CHI3L1: variants seen among roughly 807,000 people sequenced by gnomAD.
The protein encoded by CHI3L1 is chitinase-3-like protein 1.
CHI3L1 carries 30 observed loss-of-function variants against 40.7 expected under a neutral mutation model. The ratio of observed to expected loss-of-function variants is 0.74; its 90% CI spans 0.55 to 1.00. CHI3L1 has a LOEUF of 1.00. Ranked by LOEUF, CHI3L1 falls within the 50% of genes least tolerant of loss-of-function variation. The pLI, the probability that CHI3L1 is intolerant of heterozygous loss-of-function variation, is 0.00. For synonymous variants in CHI3L1, 210 were observed against 192.1 expected (o/e 1.09, Z -0.77); for missense variants, 493 against 492.2 (o/e 1.00, Z -0.01).
In CHI3L1 at chr1:203,182,349, A is replaced by G. The variant is rs74519412; in HGVS notation, c.587+382T>C. Among the ~76,000 whole-genome samples the G allele has an allele frequency of 1.6e-3, 246 of 152,292 alleles. 9 individuals carry two copies. The East Asian group carries it at 0.045, about 28-fold the overall frequency. ...TTGAGGACTCCCCAGCACTCTAGAAAGAGGCTGCTGTGTGGCCTCTCCAGG... is the reference window on the plus strand; with the variant it reads ...TTGAGGACTCCCCAGCACTCTAGAAGGAGGCTGCTGTGTGGCCTCTCCAGG... On this transcript the variant is annotated intron_variant, in intron 6 of 9. Coordinates refer to ENST00000255409, the MANE Select transcript of CHI3L1 (RefSeq NM_001276.4).
In CHI3L1 at chr1:203,184,573, T is replaced by C. The variant is rs1486177035; in HGVS notation, c.314+3A>G. The C allele has an allele frequency of 3.1e-6, 5 of 1,613,556 alleles. No individual in the cohort carries two copies. Among genetic ancestry groups the C allele is most frequent in the South Asian group, 1.1e-5 (1 of 91,072 alleles). On this transcript the variant is annotated splice_donor_region_variant and intron_variant, in intron 4 of 9. Coordinates refer to ENST00000255409, the MANE Select transcript of CHI3L1 (RefSeq NM_001276.4). ...CGTCCTGCCCCTGGGGAGAGGCTCC[T>C]ACCTTTGAGACCCAAAGTTCCATCC...
At chr1:203,180,427 C>A in intron 8 of CHI3L1, 43 bp downstream of exon 8, 1 of 1,482,548 alleles carries the variant, frequency 6.7e-7, no homozygotes, top group Non-Finnish European at 9.0e-7. Flanking sequence ...CCCAGGGCTG[C>A]TGGTGGTGTG....
In CHI3L1 at chr1:203,186,655, CCTCT is replaced by C; in HGVS notation, c.-36_-33del. 1 of 1,613,920 alleles carries C rather than the reference CCTCT, an allele frequency of 6.2e-7. No homozygotes were observed. The highest frequency in any genetic ancestry group is 8.5e-7 in the Non-Finnish European group (1 of 1,179,912). On this transcript the variant is annotated 5_prime_UTR_variant, in exon 1 of 10. Transcript: ENST00000255409. Reference sequence around the variant, plus strand: ...TGCAGCAGAGCAGGGCAGGGTGTGGCCTCTTCCCTTGCCCACGGCTCCTGGTGCC... The same window carrying C: ...TGCAGCAGAGCAGGGCAGGGTGTGGCTCCCTTGCCCACGGCTCCTGGTGCC...
rs745563186 is a variant in CHI3L1, at chr1:203,183,675, C to T, written c.431G>A (p.Arg144Gln). The T allele has an allele frequency of 5.1e-5, 83 of 1,614,180 alleles. No individual in the cohort carries two copies. Among genetic ancestry groups the T allele is most frequent in the South Asian group, 2.2e-4 (20 of 91,082 alleles). Residue 144 changes from arginine (R) to glutamine (Q), a missense_variant, in exon 5 of 10, where the codon CGG becomes CAG. By Grantham distance (43) the Arg-to-Gln change is conservative. Transcript: ENST00000255409. Reference protein sequence around the residue: ...GLDLAWLYPGRRDKQHFTTLI... With the variant: ...GLDLAWLYPGQRDKQHFTTLI... ...GGTGGTAAAATGCTGTTTGTCTCTCCGTCCAGGGTAGAGCCAGGCAAGGTC... is the reference window on the plus strand; with the variant it reads ...GGTGGTAAAATGCTGTTTGTCTCTCTGTCCAGGGTAGAGCCAGGCAAGGTC...
At chr1:203,180,300 T>G in intron 8 of CHI3L1, 170 bp downstream of exon 8, 1 of 640,540 alleles carries the variant, frequency 1.6e-6, no homozygotes. Flanking sequence ...TGCTGGAGAT[T>G]TTCAGCAACA....
Position 203,183,681 on chromosome 1 carries a change from G to C in CHI3L1, c.425C>G (p.Pro142Arg). 1 of 1,614,214 alleles carries C rather than the reference G, an allele frequency of 6.2e-7. No individual in the cohort carries two copies. Among genetic ancestry groups the C allele is most frequent in the African/African-American group, 1.3e-5 (1 of 75,050 alleles). ...FDGLDLAWLY[P>R]GRRDKQHFTT... ...AAAATGCTGTTTGTCTCTCCGTCCA[G>C]GGTAGAGCCAGGCAAGGTCCAGCCC... The change falls in exon 5 of 10, where the codon CCT becomes CGT. Residue 142 changes from proline to arginine, a missense_variant. Pro to Arg is a moderately radical substitution (Grantham distance 103, BLOSUM62 -2). Coordinates refer to ENST00000255409, the MANE Select transcript of CHI3L1 (RefSeq NM_001276.4).
chr1:203,180,659 GGGGTA>G lies in CHI3L1; in HGVS notation c.712-12_712-8del. The G allele has an allele frequency of 6.4e-7, 1 of 1,566,724 alleles. No homozygotes were observed. Among genetic ancestry groups the G allele is most frequent in the Non-Finnish European group, 8.7e-7 (1 of 1,151,816 alleles). On this transcript the variant is annotated splice_polypyrimidine_tract_variant and splice_region_variant and intron_variant, in intron 7 of 9. Coordinates refer to ENST00000255409, the MANE Select transcript of CHI3L1 (RefSeq NM_001276.4). ...TGTACCCCACAGCATAGTCCTGGGT[GGGGTA>G]GGGTGGGAACAACGTGAGCAGTTAG...
chr1:203,182,617 T>C, intron 6 of CHI3L1, 114 bp downstream of exon 6: 1 of 1,218,142 alleles, frequency 8.2e-7, no homozygotes, highest in East Asian at 2.3e-5. Flanking sequence ...TTGGAAGAAC[T>C]GGGACTGGAA....
rs1655918943 is a variant in CHI3L1 at position 203,180,748 on chromosome 1, T to C, written c.712-96A>G. 1.4e-5 allele frequency: 12 copies of C among 868,016 alleles called. No individual in the cohort carries two copies. In the South Asian group the frequency reaches 2.0e-4, roughly 15 times the overall value. The allele number at this position is 868,016 out of a possible 1,614,324, so 53.8% of individuals were successfully genotyped here. On this transcript the variant is annotated intron_variant, in intron 7 of 9. Coordinates refer to ENST00000255409, the MANE Select transcript of CHI3L1 (RefSeq NM_001276.4). The stretch of plus-strand genomic sequence containing the variant: ...GCTGCCTTAGCAGGGGTTATTGGTG[T>C]ATGGTGCACTGGGGATTCCCCTGTC...
intron 6 of CHI3L1, among the ~76,000 whole-genome samples, 158 bp downstream of exon 6, chr1:203,182,573 G>T (rs1655958261): frequency 6.6e-6 from 1 of 152,214 alleles, no homozygotes; most frequent in South Asian, 2.1e-4. Flanking sequence ...CACAGGGCAG[G>T]GAAGTGACTT....
In CHI3L1 at chr1:203,180,668, T is replaced by A; in HGVS notation, c.712-16A>T. On this transcript the variant is annotated splice_polypyrimidine_tract_variant and intron_variant, in intron 7 of 9. Coordinates refer to ENST00000255409, the MANE Select transcript of CHI3L1 (RefSeq NM_001276.4). Reference sequence around the variant, plus strand: ...CAGCATAGTCCTGGGTGGGGTAGGGTGGGAACAACGTGAGCAGTTAGTGCA... The same window carrying A: ...CAGCATAGTCCTGGGTGGGGTAGGGAGGGAACAACGTGAGCAGTTAGTGCA... The A allele has an allele frequency of 2.3e-6, 2 of 873,258 alleles. No homozygotes were observed. The highest frequency in any genetic ancestry group is 3.6e-6 in the Non-Finnish European group (2 of 557,596). 54.1% of individuals were successfully genotyped at this position (873,258 alleles called of 1,614,324 possible).
In CHI3L1 at chr1:203,180,664, A is replaced by G; in HGVS notation, c.712-12T>C. 3.8e-6 allele frequency: 3 copies of G among 787,288 alleles called. No homozygotes were observed. Among genetic ancestry groups the G allele is most frequent in the Non-Finnish European group, 4.2e-6 (2 of 480,548 alleles). The allele number at this position is 787,288 out of a possible 1,614,324, so 48.8% of individuals were successfully genotyped here. On this transcript the variant is annotated splice_polypyrimidine_tract_variant and intron_variant, in intron 7 of 9. Transcript: ENST00000255409. ...CCCACAGCATAGTCCTGGGTGGGGT[A>G]GGGTGGGAACAACGTGAGCAGTTAG...
rs573527559 is a variant in CHI3L1, at chr1:203,183,920, G to A, written c.315-129C>T. The stretch of plus-strand genomic sequence containing the variant: ...ACACAGCTCTGGGAGGGCATGATTG[G>A]GACAGGGGTCGCCTCCAGGCATGCA... On this transcript the variant is annotated intron_variant, in intron 4 of 9. Coordinates refer to ENST00000255409, the MANE Select transcript of CHI3L1 (RefSeq NM_001276.4). The A allele has an allele frequency of 2.8e-5, 29 of 1,053,244 alleles. No individual in the cohort carries two copies. In the East Asian group the frequency reaches 7.1e-4, roughly 26 times the overall value. The allele number at this position is 1,053,244 out of a possible 1,614,324, so 65.2% of individuals were successfully genotyped here. A position where few individuals can be genotyped will look rare whatever the true frequency, so the allele number is the denominator to read the frequency against.
At chr1:203,186,245 C>A in intron 2 of CHI3L1, 71 bp downstream of exon 2, 1 of 1,500,656 alleles carries the variant, frequency 6.7e-7, no homozygotes, top group Non-Finnish European at 9.1e-7. Flanking sequence ...GGAGCTAAGA[C>A]CTCCTCCACA....
chr1:203,184,655 G>A, intron 3 of CHI3L1, 23 bp from the exon 4 acceptor site: 3 of 1,606,182 alleles, frequency 1.9e-6, no homozygotes, highest in Non-Finnish European at 2.6e-6. Flanking sequence ...GGGAGGTGGG[G>A]AGGGCAGGAG....
Position 203,182,869 on chromosome 1 carries a change from C to A in CHI3L1, c.466-17G>T, listed in dbSNP as rs1655965713. ...CTTCATTTCCTAGATGGGAGACAGG[C>A]AGGTGAGAGAAAGGGTCCCAAGTGG... is the stretch of plus-strand genomic sequence containing the variant. On this transcript the variant is annotated splice_polypyrimidine_tract_variant and intron_variant, in intron 5 of 9. Coordinates refer to ENST00000255409, the MANE Select transcript of CHI3L1 (RefSeq NM_001276.4). 3 of 1,613,566 alleles carry A rather than the reference C, an allele frequency of 1.9e-6. No individual in the cohort carries two copies. The highest frequency in any genetic ancestry group is 1.7e-6 in the Non-Finnish European group (2 of 1,179,732).
chr1:203,181,132 T>G, intron 7 of CHI3L1, 30 bp downstream of exon 7: 1 of 1,612,430 alleles, frequency 6.2e-7, no homozygotes, highest in Non-Finnish European at 8.5e-7. Context: ...TGCGGCCCCC[T>G]CCTGGCCCTC....
In CHI3L1 at chr1:203,179,881, A is replaced by G. The variant is rs1655897627; in HGVS notation, c.895-4T>C. The stretch of plus-strand genomic sequence containing the variant: ...CTCCGCGGAGGAAGTCACAGATCTG[A>G]GCAGATAACAGGGAAAAGGCAGTGT... On this transcript the variant is annotated splice_polypyrimidine_tract_variant and splice_region_variant and intron_variant, in intron 8 of 9. Transcript: ENST00000255409. The G allele has an allele frequency of 6.2e-7, 1 of 1,613,498 alleles. No homozygotes were observed. Among genetic ancestry groups the G allele is most frequent in the East Asian group, 2.2e-5 (1 of 44,854 alleles).
intron 3 of CHI3L1, 22 bp downstream of exon 3, chr1:203,185,162 T>A: frequency 6.2e-7 from 1 of 1,611,068 alleles, no homozygotes; most frequent in African/African-American, 1.3e-5. Flanking sequence ...GTCCCTCCTC[T>A]CCTGGCCAGC....
Sources: allele counts gnomAD v4.1 joint callset (sites outside exome capture counted in the v4.1 genomes callset), GRCh38; gene constraint gnomAD v4.1.1; transcripts MANE v1.5; gene names NCBI Gene and HGNC (gene_info 2026-07-23, HGNC 2026-07-21).